The following LPP variants were observed in gnomAD, a reference collection of about 807,000 sequenced individuals.
LPP encodes the protein lipoma-preferred partner.
Under a neutral mutation model 60.4 loss-of-function variants are expected in LPP, and 38 were observed. That is an observed-to-expected ratio of 0.63 (90% CI 0.49 to 0.83). The LOEUF (loss-of-function observed/expected upper bound fraction) is 0.83, where lower values mean the gene tolerates loss of function less well. LPP is among the 40% of genes least tolerant of loss of function. The pLI is 0.00. For missense variants in LPP, 902 were observed against 783.6 expected (o/e 1.15, Z -1.80); for synonymous variants, 328 against 290.8 (o/e 1.13, Z -1.30).
chr3:188,178,448 C>T (rs1421550714), intron 1 of LPP: 1 of 152,234 alleles, frequency 6.6e-6, no homozygotes, highest in Admixed American at 6.5e-5. Context: ...TTTGCAAGAT[C>T]TTGGAATCTC....
chr3:188,153,450 C>G (rs1715103035), upstream of LPP: 1 of 152,240 alleles, frequency 6.6e-6, no homozygotes, highest in Non-Finnish European at 1.5e-5. Context: ...CTCTTCCACT[C>G]AAGCTCAGTG....
At chr3:188,735,412 G>T (rs1302217336) in intron 8 of LPP, among the ~76,000 whole-genome samples, 1 of 151,628 alleles carries the variant, frequency 6.6e-6, no homozygotes, top group Non-Finnish European at 1.5e-5. Flanking sequence ...ACGAAGTCTT[G>T]CTCTCATCCC....
intron 6 of LPP, among the ~76,000 whole-genome samples, chr3:188,542,875 C>A (rs907674942): frequency 2.0e-5 from 3 of 152,152 alleles, no homozygotes; most frequent in African/African-American, 7.2e-5. Context: ...GAAATCTAGT[C>A]TTTTCTCATG....
In LPP at chr3:188,525,974, G is replaced by A. The variant is rs114341066; in HGVS notation, c.429+1187G>A. Among the ~76,000 whole-genome samples, 608 of 152,264 alleles carry A rather than the reference G, an allele frequency of 4.0e-3. 5 individuals carry two copies. The highest frequency in any genetic ancestry group is 0.01 in the African/African-American group (435 of 41,538). ...CAGAAGCTGATCTTCCACTGCTAGT[G>A]ATCATTCCCTGCCTCTCTAAAGTCT... On this transcript the variant is annotated intron_variant, in intron 6 of 11. Coordinates refer to ENST00000617246, the MANE Select transcript of LPP (RefSeq NM_001375462.1).
intron 8 of LPP, chr3:188,711,975 A>G (rs958000125): frequency 1.3e-5 from 2 of 152,234 alleles, no homozygotes; most frequent in Non-Finnish European, 1.5e-5. Context: ...AGTTTTTGAC[A>G]TAACAGGGAA....
chr3:188,398,380 T>A (rs1200336204), intron 3 of LPP, among the ~76,000 whole-genome samples: 1 of 152,234 alleles, frequency 6.6e-6, no homozygotes, highest in East Asian at 1.9e-4. Context: ...GTCCTCTGCA[T>A]CTAAGTCTAG....
intron 3 of LPP, among the ~76,000 whole-genome samples, chr3:188,374,038 G>C (rs764410039): frequency 1.3e-5 from 2 of 152,120 alleles, no homozygotes; most frequent in African/African-American, 2.4e-5. Context: ...CATTATTTCT[G>C]AGGGCTCTGT....
intron 2 of LPP, among the ~76,000 whole-genome samples, chr3:188,240,705 A>T (rs1724210904): frequency 6.6e-6 from 1 of 152,308 alleles, no homozygotes; most frequent in Non-Finnish European, 1.5e-5. Flanking sequence ...ATAACACATC[A>T]ACCTTCTTTG....
chr3:188,670,159 G>A (rs1306229910), intron 7 of LPP, among the ~76,000 whole-genome samples: 3 of 152,120 alleles, frequency 2.0e-5, no homozygotes, highest in South Asian at 2.1e-4. Flanking sequence ...TGTAGCTGAC[G>A]AGTTAATGGG....
At chr3:188,412,316 C>T (rs76450521) in intron 4 of LPP, among the ~76,000 whole-genome samples, 3,689 of 152,066 alleles carry the variant, frequency 0.024, 154 homozygotes, top group African/African-American at 0.082. Flanking sequence ...ATATTGGGAA[C>T]GGTTTGTGGC....
chr3:188,686,703 A>G (rs1464397571), intron 7 of LPP, among the ~76,000 whole-genome samples: 1 of 152,174 alleles, frequency 6.6e-6, no homozygotes, highest in Non-Finnish European at 1.5e-5. Context: ...CTAAGAATCT[A>G]TGATTTAGAT....
At chr3:188,383,843 A>G (rs1777510594) in intron 3 of LPP, among the ~76,000 whole-genome samples, 5 of 152,200 alleles carry the variant, frequency 3.3e-5, no homozygotes, top group Admixed American at 3.3e-4. Context: ...CTAGATTTAT[A>G]CTTAAGACAG....
intron 8 of LPP, among the ~76,000 whole-genome samples, chr3:188,713,388 TG>T (rs1712408151): frequency 2.4e-5 from 3 of 126,872 alleles, no homozygotes; most frequent in Non-Finnish European, 3.7e-5. Context: ...GAATTCTGGA[TG>T]AAAAAAAAAA....
At chr3:188,850,350 C>G (rs1008034417) in intron 9 of LPP, among the ~76,000 whole-genome samples, 2 of 152,166 alleles carry the variant, frequency 1.3e-5, no homozygotes, top group Non-Finnish European at 2.9e-5. Flanking sequence ...TCTTTCAACA[C>G]TAGCAAAACT....
At chr3:188,483,917 CT>C (rs542970737) in intron 4 of LPP, among the ~76,000 whole-genome samples, 1 of 152,092 alleles carries the variant, frequency 6.6e-6, no homozygotes, top group Non-Finnish European at 1.5e-5. Context: ...AATTCAAACC[CT>C]TTTTTTGATG....
rs1257085181 is a variant in LPP at position 188,368,719 on chromosome 3, C to CACAG, written c.-10+27001_-10+27002insCAGA. Among the ~76,000 whole-genome samples, 189 of 99,642 alleles carry CACAG rather than the reference C, an allele frequency of 1.9e-3. 1 individual carries two copies. Among genetic ancestry groups the CACAG allele is most frequent in the Middle Eastern group, 0.013 (2 of 152 alleles). 65.4% of individuals were successfully genotyped at this position (99,642 alleles called of 152,430 possible). A position where few individuals can be genotyped will look rare whatever the true frequency, so the allele number is the denominator to read the frequency against. On this transcript the variant is annotated intron_variant, in intron 3 of 11. Transcript: ENST00000617246. ...ACACACACACACACACACACACACA[C>CACAG]AGAGAGAGAGAGAGAGAGAGAGAGA...
In LPP at chr3:188,870,174, A is replaced by G. The variant is rs554930278; in HGVS notation, c.1590-2469A>G. On this transcript the variant is annotated intron_variant, in intron 10 of 11. Coordinates refer to ENST00000617246, the MANE Select transcript of LPP (RefSeq NM_001375462.1). ...TGTATATACATATGTGTGTTTGTGT[A>G]TATATATATATAACTTTACAATAAT... is the stretch of plus-strand genomic sequence containing the variant. 9.9e-5 allele frequency among the ~76,000 whole-genome samples: 15 copies of G among 151,612 alleles called. 1 individual carries two copies. The East Asian group carries it at 1.7e-3, about 18-fold the overall frequency.
intron 3 of LPP, among the ~76,000 whole-genome samples, chr3:188,369,596 T>C (rs954021064): frequency 5.3e-5 from 8 of 152,188 alleles, no homozygotes; most frequent in African/African-American, 1.7e-4. Context: ...TAAGGCATTG[T>C]TATTATCAAT....
At chr3:188,613,267 T>C (rs867042269) in intron 7 of LPP, among the ~76,000 whole-genome samples, 9 of 90,140 alleles carry the variant, frequency 1.0e-4, no homozygotes, top group East Asian at 2.1e-4. Context: ...TATACCTATA[T>C]CTATATCTAT....
Sources: gnomAD v4.1 joint callset for allele counts (sites outside exome capture counted in the v4.1 genomes callset) on GRCh38, gnomAD v4.1.1 for gene constraint, MANE v1.5 for transcripts, NCBI Gene and HGNC (gene_info 2026-07-23, HGNC 2026-07-21) for gene names.